The following FLT1 variants were observed in gnomAD, a reference collection of about 807,000 sequenced individuals.
FLT1 encodes the protein vascular endothelial growth factor receptor 1.
In FLT1, 49 loss-of-function variants were observed where a neutral mutation model predicts 156.3. The observed-to-expected ratio is 0.31, with a 90% CI of 0.25 to 0.40. The LOEUF (loss-of-function observed/expected upper bound fraction) is 0.40, where lower values mean the gene tolerates loss of function less well. FLT1 is among the 10% of genes least tolerant of loss of function. The probability of loss-of-function intolerance (pLI) is 1.00; values close to 1 mark genes in which losing one functional copy is unlikely to be tolerated. For missense variants in FLT1, 1,322 were observed against 1,637.2 expected, an observed-to-expected ratio of 0.81 and a Z score of 3.32; for synonymous variants, 594 against 583.8, an observed-to-expected ratio of 1.02 and a Z score of -0.25.
intron 15 of FLT1, among the ~76,000 whole-genome samples, chr13:28,353,434 G>A (rs971247945): frequency 4.6e-5 from 7 of 151,936 alleles, no homozygotes; most frequent in Admixed American, 6.6e-5. Context: ...TTAGCCAGGC[G>A]TGGTGGCACA....
intron 10 of FLT1, among the ~76,000 whole-genome samples, chr13:28,424,434 CA>C (rs1877219483): frequency 6.6e-6 from 1 of 152,130 alleles, no homozygotes; most frequent in African/African-American, 2.4e-5. Flanking sequence ...AGCTCGCCTT[CA>C]TAGCATATTT....
intron 22 of FLT1, among the ~76,000 whole-genome samples, chr13:28,321,988 T>C (rs1378779134): frequency 6.6e-6 from 1 of 152,192 alleles, no homozygotes; most frequent in African/African-American, 2.4e-5. Context: ...TGGGCCAGAT[T>C]TGAAAATATG....
Position 28,460,798 on chromosome 13 carries a change from A to ACGCG in FLT1, c.388+6104_388+6105insCGCG, listed in dbSNP as rs66649717. On this transcript the variant is annotated intron_variant, in intron 3 of 29. Coordinates refer to ENST00000282397, the MANE Select transcript of FLT1 (RefSeq NM_002019.4). The stretch of plus-strand genomic sequence containing the variant: ...AAATACATTTTACGTCAGACCCATT[A>ACGCG]CACACACACACACACACACACACAC... Among the ~76,000 whole-genome samples the ACGCG allele has an allele frequency of 7.8e-4, 48 of 61,822 alleles. 1 individual carries two copies. The East Asian group carries it at 8.0e-3, about 10-fold the overall frequency. 40.6% of individuals were successfully genotyped at this position (61,822 alleles called of 152,430 possible).
intron 24 of FLT1, 81 bp downstream of exon 24, chr13:28,319,342 C>G: frequency 2.2e-6 from 2 of 916,312 alleles, no homozygotes; most frequent in Non-Finnish European, 3.5e-6. Flanking sequence ...AATCTAAAGG[C>G]TGTCTAACCA....
At chr13:28,480,192 A>T (rs1481342013) in intron 1 of FLT1, among the ~76,000 whole-genome samples, 1 of 151,996 alleles carries the variant, frequency 6.6e-6, no homozygotes, top group Non-Finnish European at 1.5e-5. Context: ...TTTTCCCCTC[A>T]CTACATTCTC....
chr13:28,424,921 G>A (rs1446272409), intron 10 of FLT1, among the ~76,000 whole-genome samples: 2 of 152,126 alleles, frequency 1.3e-5, no homozygotes, highest in Non-Finnish European at 2.9e-5. Flanking sequence ...ATATAAATAT[G>A]TTTATATAAA....
chr13:28,434,339 AGTTTGCTTATAACAAACTAG>A, intron 4 of FLT1, 119 bp from the exon 5 acceptor site: 2 of 998,520 alleles, frequency 2.0e-6, no homozygotes, highest in Non-Finnish European at 3.0e-6. Context: ...AAAACTTTGT[AGTTTGCTTATAACAAACTAG>A]GTTAAAAACT....
intron 18 of FLT1, among the ~76,000 whole-genome samples, chr13:28,330,230 C>T (rs1308368102): frequency 6.6e-6 from 1 of 152,228 alleles, no homozygotes; most frequent in East Asian, 1.9e-4. Flanking sequence ...CCTGTCCTCT[C>T]TGGAGTTCAC....
At chr13:28,379,604 G>A (rs1385096619) in intron 14 of FLT1, among the ~76,000 whole-genome samples, 1 of 152,164 alleles carries the variant, frequency 6.6e-6, no homozygotes, top group Non-Finnish European at 1.5e-5. Context: ...TGCCAACCCC[G>A]AGGTACTCAG....
chr13:28,365,208 T>C lies in FLT1; in HGVS notation c.2117-7523A>G, dbSNP rs569517301. On this transcript the variant is annotated intron_variant, in intron 14 of 29. Coordinates refer to ENST00000282397, the MANE Select transcript of FLT1 (RefSeq NM_002019.4). Reference sequence around the variant, plus strand: ...ATAGTTTTATGATTTTCTCTTTAAATATCATGCTTTTCTTTAGTTATATTT... The same window carrying C: ...ATAGTTTTATGATTTTCTCTTTAAACATCATGCTTTTCTTTAGTTATATTT... 3.3e-5 allele frequency among the ~76,000 whole-genome samples: 5 copies of C among 152,332 alleles called. No individual in the cohort carries two copies. In the South Asian group the frequency reaches 1.0e-3, roughly 32 times the overall value.
At chr13:28,354,684 G>T (rs893785397) in intron 15 of FLT1, among the ~76,000 whole-genome samples, 1 of 151,874 alleles carries the variant, frequency 6.6e-6, no homozygotes, top group Non-Finnish European at 1.5e-5. Flanking sequence ...AAAAAAGGTT[G>T]GATATAGCCA....
At chr13:28,471,401 T>C (rs1172469101) in intron 1 of FLT1, among the ~76,000 whole-genome samples, 2 of 152,200 alleles carry the variant, frequency 1.3e-5, no homozygotes, top group Non-Finnish European at 2.9e-5. Flanking sequence ...TCTTGAATGT[T>C]TTGAATTCAC....
intron 15 of FLT1, among the ~76,000 whole-genome samples, chr13:28,348,627 GGGC>G (rs560344530): frequency 8.0e-4 from 122 of 152,166 alleles, no homozygotes; most frequent in African/African-American, 2.7e-3. Flanking sequence ...AAGAGTTTAG[GGGC>G]CGGGCGCGGT....
At chr13:28,345,975 A>G (rs1321391285) in intron 15 of FLT1, 3 of 165,826 alleles carry the variant, frequency 1.8e-5, no homozygotes, top group Non-Finnish European at 3.9e-5. Flanking sequence ...AAAAAAAAAA[A>G]AAGACAAAAT....
intron 14 of FLT1, among the ~76,000 whole-genome samples, chr13:28,371,788 G>A (rs1873580621): frequency 1.3e-5 from 2 of 152,028 alleles, no homozygotes; most frequent in Admixed American, 6.6e-5. Context: ...TGAACAGAGC[G>A]TGTTCTGATG....
intron 10 of FLT1, among the ~76,000 whole-genome samples, chr13:28,419,689 C>A (rs910794434): frequency 6.6e-6 from 1 of 152,220 alleles, no homozygotes; most frequent in African/African-American, 2.4e-5. Context: ...ACCATTCTCG[C>A]TAACATGGCG....
intron 15 of FLT1, among the ~76,000 whole-genome samples, chr13:28,348,528 A>G (rs1872636355): frequency 6.6e-6 from 1 of 152,138 alleles, no homozygotes; most frequent in Non-Finnish European, 1.5e-5. Flanking sequence ...TGAGTCCATA[A>G]CTTATTCACC....
intron 15 of FLT1, 79 bp from the exon 16 acceptor site, chr13:28,345,630 G>A (rs1048942525): frequency 2.2e-6 from 2 of 901,964 alleles, no homozygotes; most frequent in Admixed American, 2.0e-5. Flanking sequence ...TATAAAAGAG[G>A]CTCAGTTTCC....
chr13:28,463,038 C>T (rs549331427), intron 3 of FLT1, among the ~76,000 whole-genome samples: 2 of 152,178 alleles, frequency 1.3e-5, no homozygotes, highest in Non-Finnish European at 2.9e-5. Context: ...ATGAAGAGAA[C>T]GATGCTTCAT....
Sources: allele counts gnomAD v4.1 joint callset (sites outside exome capture counted in the v4.1 genomes callset), GRCh38; gene constraint gnomAD v4.1.1; transcripts MANE v1.5; gene names NCBI Gene and HGNC (gene_info 2026-07-23, HGNC 2026-07-21).